Variants in MYOZ3 observed in about 807,000 individuals in gnomAD.
MYOZ3 encodes myozenin 3.
MYOZ3 carries 19 observed loss-of-function variants against 26.5 expected under a neutral mutation model. That is an observed-to-expected ratio of 0.72 (90% confidence interval 0.50 to 1.05). The LOEUF (loss-of-function observed/expected upper bound fraction) is 1.05, where lower values mean the gene tolerates loss of function less well. Ranked by LOEUF, MYOZ3 falls within the 50% of genes least tolerant of loss-of-function variation. The pLI, the probability that MYOZ3 is intolerant of heterozygous loss-of-function variation, is 0.00. For missense variants in MYOZ3, 322 were observed against 337.1 expected (o/e 0.96, Z 0.35); for synonymous variants, 135 against 138.8 (o/e 0.97, Z 0.19).
rs775528738 is a variant in MYOZ3, at chr5:150,671,826, G to T, written c.342G>T (p.Gly114=). The T allele has an allele frequency of 6.0e-5, 96 of 1,610,928 alleles. No homozygotes were observed. In the South Asian group the frequency reaches 7.6e-4, roughly 13 times the overall value. The change falls in exon 5 of 7, where the codon GGG becomes GGT. Residue 114 remains glycine (G), a synonymous_variant. Transcript: ENST00000517768. ...SELHIFPASP[G]ASLGGPEGAH... The stretch of plus-strand genomic sequence containing the variant: ...TCCACATCTTCCCGGCCTCACCCGG[G>T]GCCTCACTCGGGGGTCCCGAGGGCG...
At chr5:150,672,643 T>G in intron 6 of MYOZ3, 141 bp downstream of exon 6, 12 of 1,024,450 alleles carry the variant, frequency 1.2e-5, no homozygotes, top group Admixed American at 3.1e-5. Context: ...GACTGAGCTC[T>G]GGCTGGAACA....
Position 150,671,623 on chromosome 5 carries a change from G to A in MYOZ3, c.243G>A (p.Lys81=). The A allele has an allele frequency of 6.2e-7, 1 of 1,613,906 alleles. No individual in the cohort carries two copies. The highest frequency in any genetic ancestry group is 8.5e-7 in the Non-Finnish European group (1 of 1,179,904). The stretch of plus-strand genomic sequence containing the variant: ...TGCTGGCCGGAAGCGCCAGGAGGAA[G>A]GTGACTGGAACAGCGGAGTCGGGGA... ...RAMLAGSARR[K]VTGTAESGTV... is the part of the protein sequence containing the mutation. Residue 81 remains lysine, a synonymous_variant, in exon 4 of 7, where the codon AAG becomes AAA. Coordinates refer to ENST00000517768, the MANE Select transcript of MYOZ3 (RefSeq NM_001122853.3).
chr5:150,667,058 C>T (rs148575596), intron 2 of MYOZ3, among the ~76,000 whole-genome samples: 10 of 152,216 alleles, frequency 6.6e-5, no homozygotes, highest in African/African-American at 2.4e-4. Flanking sequence ...TGCGCCCGGC[C>T]TATAAGTGGA....
At chr5:150,662,523 C>G (rs565887402) in intron 1 of MYOZ3, among the ~76,000 whole-genome samples, 2 of 152,244 alleles carry the variant, frequency 1.3e-5, no homozygotes, top group South Asian at 2.1e-4. Flanking sequence ...CCCCCTTCCC[C>G]TAACTTAAAC....
Position 150,671,762 on chromosome 5 carries a change from A to G in MYOZ3, c.278A>G (p.Asn93Ser), listed in dbSNP as rs1394947522. 13 of 1,613,218 alleles carry G rather than the reference A, an allele frequency of 8.1e-6. No homozygotes were observed. The highest frequency in any genetic ancestry group is 1.0e-5 in the Non-Finnish European group (12 of 1,179,942). Residue 93 changes from asparagine (N) to serine (S), a missense_variant, in exon 5 of 7, where the codon AAT becomes AGT. Coordinates refer to ENST00000517768, the MANE Select transcript of MYOZ3 (RefSeq NM_001122853.3). Reference protein sequence around the residue: ...TGTAESGTVANANGPEGPNYR... With the variant: ...TGTAESGTVASANGPEGPNYR... ...ACCCGCCCCTGTGCCCAGGTTGCCAATGCCAATGGCCCTGAGGGGCCGAAC... is the reference window on the plus strand; with the variant it reads ...ACCCGCCCCTGTGCCCAGGTTGCCAGTGCCAATGGCCCTGAGGGGCCGAAC...
intron 3 of MYOZ3, chr5:150,671,029 G>C (rs1758898731): frequency 1.2e-5 from 2 of 162,732 alleles, no homozygotes; most frequent in Admixed American, 6.3e-5. Flanking sequence ...CCGGAGAAAG[G>C]AAAGGCCATG....
chr5:150,661,395 T>A lies in MYOZ3; in HGVS notation c.-34T>A, dbSNP rs1462759044. 5 of 152,362 alleles carry A rather than the reference T, an allele frequency of 3.3e-5. No individual in the cohort carries two copies. Among genetic ancestry groups the A allele is most frequent in the Admixed American group, 2.6e-4 (4 of 15,282 alleles). The allele number at this position is 152,362 out of a possible 1,614,324, so 9.4% of individuals were successfully genotyped here. On this transcript the variant is annotated 5_prime_UTR_variant, in exon 1 of 7. Transcript: ENST00000517768. ...GGTGTTAATCTTGAGGGTCTAAGAT[T>A]CCCTCCTGCCTATTGTGGTCCCATC...
chr5:150,675,571 C>T (rs1043250801), intron 6 of MYOZ3, among the ~76,000 whole-genome samples: 2 of 152,272 alleles, frequency 1.3e-5, no homozygotes, highest in South Asian at 2.1e-4. Flanking sequence ...CGGGGTTTCA[C>T]CATGTGGGCC....
intron 3 of MYOZ3, 103 bp downstream of exon 3, chr5:150,670,741 C>T (rs1399340571): frequency 2.6e-6 from 3 of 1,158,400 alleles, no homozygotes; most frequent in African/African-American, 3.1e-5. Context: ...TGTGATGTTC[C>T]CATCAGATTA....
intron 1 of MYOZ3, among the ~76,000 whole-genome samples, chr5:150,662,473 G>C (rs1355832664): frequency 2.0e-5 from 3 of 152,154 alleles, no homozygotes; most frequent in Non-Finnish European, 2.9e-5. Context: ...GGGCTCACCA[G>C]CCTTGCAGAC....
At chr5:150,672,709 T>G in intron 6 of MYOZ3, 1 of 572,092 alleles carries the variant, frequency 1.7e-6, no homozygotes, top group Non-Finnish European at 3.0e-6. Context: ...AGAGTGAAGG[T>G]GCCGCACATC....
intron 2 of MYOZ3, among the ~76,000 whole-genome samples, chr5:150,665,981 G>A (rs1286411289): frequency 1.3e-5 from 2 of 149,522 alleles, no homozygotes; most frequent in Non-Finnish European, 3.0e-5. Flanking sequence ...GTTGCAGTGA[G>A]CCGAGATCAT....
At chr5:150,670,368 G>A (rs1023249592) in intron 2 of MYOZ3, 116 bp from the exon 3 acceptor site, 7 of 1,205,036 alleles carry the variant, frequency 5.8e-6, no homozygotes, top group Admixed American at 6.6e-5. Flanking sequence ...ACCCGGTGTC[G>A]GCAAGCTTGG....
At chr5:150,669,560 T>TGATA (rs1288062694) in intron 2 of MYOZ3, among the ~76,000 whole-genome samples, 44 of 149,986 alleles carry the variant, frequency 2.9e-4, no homozygotes, top group African/African-American at 1.1e-3. Flanking sequence ...AGTCTCTGGG[T>TGATA]GATAGATAAT....
chr5:150,671,747 G>C lies in MYOZ3; in HGVS notation c.271-8G>C. 1 of 1,613,362 alleles carries C rather than the reference G, an allele frequency of 6.2e-7. No homozygotes were observed. Among genetic ancestry groups the C allele is most frequent in the Non-Finnish European group, 8.5e-7 (1 of 1,179,958 alleles). ...CGGTGGCCTCTGAGAACCCGCCCCT[G>C]TGCCCAGGTTGCCAATGCCAATGGC... On this transcript the variant is annotated splice_region_variant and splice_polypyrimidine_tract_variant and intron_variant, in intron 4 of 6. Transcript: ENST00000517768.
intron 2 of MYOZ3, among the ~76,000 whole-genome samples, chr5:150,665,168 G>A (rs1025520000): frequency 3.3e-5 from 5 of 152,120 alleles, no homozygotes; most frequent in Admixed American, 3.3e-4. Context: ...GATCCTTCGG[G>A]GCAGAACAGA....
At position 150,670,509 on chromosome 5, in the gene MYOZ3, G is replaced by C. The variant is rs975671668; in HGVS notation, c.87G>C (p.Lys29Asn). ...EPVPTLDLGK[K>N]LSVPQDLMME... ...TCCCTACGCTGGACCTGGGCAAGAAGCTGAGCGTGCCCCAGGACCTGATGA... is the reference window on the plus strand; with the variant it reads ...TCCCTACGCTGGACCTGGGCAAGAACCTGAGCGTGCCCCAGGACCTGATGA... The change falls in exon 3 of 7, where the codon AAG becomes AAC. Residue 29 changes from lysine (K) to asparagine (N), a missense_variant. Physicochemically the swap from Lys to Asn is moderately conservative, Grantham distance 94. Transcript: ENST00000517768. 2 of 1,612,690 alleles carry C rather than the reference G, an allele frequency of 1.2e-6. No homozygotes were observed. The highest frequency in any genetic ancestry group is 8.5e-7 in the Non-Finnish European group (1 of 1,179,414).
At chr5:150,673,664 A>C (rs1758960613) in intron 6 of MYOZ3, among the ~76,000 whole-genome samples, 1 of 152,078 alleles carries the variant, frequency 6.6e-6, no homozygotes, top group Admixed American at 6.6e-5. Context: ...TTTACAGCTG[A>C]GATGAAGTTT....
chr5:150,675,653 G>A (rs757110078), intron 6 of MYOZ3, among the ~76,000 whole-genome samples: 6 of 152,168 alleles, frequency 3.9e-5, no homozygotes, highest in Non-Finnish European at 8.8e-5. Flanking sequence ...GATTATAGCC[G>A]TGAGCCACCG....
Sources: gnomAD v4.1 joint callset for allele counts (sites outside exome capture counted in the v4.1 genomes callset) on GRCh38, gnomAD v4.1.1 for gene constraint, MANE v1.5 for transcripts, NCBI Gene and HGNC (gene_info 2026-07-23, HGNC 2026-07-21) for gene names.